Variants in GRID2 observed in about 807,000 individuals in gnomAD.
GRID2 encodes the protein glutamate ionotropic receptor delta type subunit 2, also known as glutamate receptor ionotropic, delta-2.
A neutral mutation model predicts 114.8 loss-of-function variants in GRID2; 33 were observed. That is an observed-to-expected ratio of 0.29 (90% CI 0.22 to 0.38). The LOEUF is 0.38. Among genes scored for constraint, GRID2 ranks in the 10% least tolerant of loss-of-function variants. The pLI is 1.00. For synonymous variants in GRID2, 505 were observed against 449.9 expected (o/e 1.12, Z -1.55); for missense variants, 1,184 against 1,257.7 (o/e 0.94, Z 0.89).
chr4:92,358,133 G>A (rs1312883025), intron 1 of GRID2, among the ~76,000 whole-genome samples: 1 of 151,640 alleles, frequency 6.6e-6, no homozygotes. Context: ...AAACAGAGAG[G>A]CATGATGGGT....
chr4:93,336,152 T>C (rs2149238676), intron 8 of GRID2, among the ~76,000 whole-genome samples: 1 of 152,298 alleles, frequency 6.6e-6, no homozygotes, highest in East Asian at 1.9e-4. Context: ...CATAAAAGCG[T>C]ATATCTGTCC....
intron 2 of GRID2, among the ~76,000 whole-genome samples, chr4:93,040,666 GA>G (rs1479104614): frequency 6.6e-6 from 1 of 152,090 alleles, no homozygotes; most frequent in Non-Finnish European, 1.5e-5. Flanking sequence ...TTTTAACAAT[GA>G]AAAATCGGTC....
chr4:93,406,032 T>C (rs1766377807), intron 9 of GRID2, among the ~76,000 whole-genome samples: 1 of 152,184 alleles, frequency 6.6e-6, no homozygotes, highest in Non-Finnish European at 1.5e-5. Flanking sequence ...TTAATTTTTT[T>C]CATATTTTAT....
chr4:93,694,788 TCACA>T (rs890721314), intron 14 of GRID2, among the ~76,000 whole-genome samples: 1 of 152,150 alleles, frequency 6.6e-6, no homozygotes, highest in Admixed American at 6.5e-5. Context: ...CCTCAGGCAC[TCACA>T]CACACATGAC....
At chr4:93,740,734 C>A (rs1731291440) in intron 14 of GRID2, among the ~76,000 whole-genome samples, 1 of 152,244 alleles carries the variant, frequency 6.6e-6, no homozygotes. Flanking sequence ...AACCACATTT[C>A]TCACATAGTC....
At chr4:92,865,137 C>T (rs1010251940) in intron 2 of GRID2, among the ~76,000 whole-genome samples, 1 of 152,108 alleles carries the variant, frequency 6.6e-6, no homozygotes, top group Admixed American at 6.5e-5. Context: ...AGATTGGTCC[C>T]CTTTGTATAT....
At chr4:92,631,679 T>C (rs778579596) in intron 2 of GRID2, among the ~76,000 whole-genome samples, 1 of 152,132 alleles carries the variant, frequency 6.6e-6, no homozygotes, top group African/African-American at 2.4e-5. Flanking sequence ...ACAAAACATG[T>C]TTTTAACATT....
At chr4:92,716,860 A>T (rs907961069) in intron 2 of GRID2, among the ~76,000 whole-genome samples, 3 of 152,190 alleles carry the variant, frequency 2.0e-5, no homozygotes, top group African/African-American at 7.2e-5. Flanking sequence ...ATAATTTTAC[A>T]TCTTGTGTTA....
At chr4:93,221,880 C>T (rs897315049) in intron 6 of GRID2, among the ~76,000 whole-genome samples, 7 of 152,178 alleles carry the variant, frequency 4.6e-5, no homozygotes, top group South Asian at 4.1e-4. Flanking sequence ...GTAACAGGTA[C>T]GAAGCACTCA....
At chr4:93,735,548 A>AT (rs1237521957) in intron 14 of GRID2, among the ~76,000 whole-genome samples, 3 of 152,094 alleles carry the variant, frequency 2.0e-5, no homozygotes, top group African/African-American at 7.2e-5. Flanking sequence ...AAGAAGTGTA[A>AT]TTTTACCTAC....
chr4:93,687,364 G>T (rs563328866), intron 14 of GRID2, among the ~76,000 whole-genome samples: 5 of 152,102 alleles, frequency 3.3e-5, no homozygotes, highest in Admixed American at 6.6e-5. Context: ...ATCTTAGCCA[G>T]TTTATTTTAT....
intron 7 of GRID2, among the ~76,000 whole-genome samples, chr4:93,229,429 C>T (rs1745863638): frequency 6.6e-6 from 1 of 152,070 alleles, no homozygotes. Context: ...GCTCAAGTTT[C>T]CTACAGGTGT....
At chr4:93,169,169 C>G (rs1377531278) in intron 4 of GRID2, among the ~76,000 whole-genome samples, 1 of 150,356 alleles carries the variant, frequency 6.7e-6, no homozygotes, top group Admixed American at 6.7e-5. Flanking sequence ...CACACACACA[C>G]ACACACACAC....
At chr4:92,415,043 G>C (rs563737383) in intron 1 of GRID2, among the ~76,000 whole-genome samples, 11 of 151,826 alleles carry the variant, frequency 7.2e-5, no homozygotes, top group African/African-American at 2.7e-4. Context: ...TTTTGAAAAA[G>C]AACAAGATAA....
intron 14 of GRID2, among the ~76,000 whole-genome samples, chr4:93,652,084 C>G (rs1722630103): frequency 6.6e-6 from 1 of 152,026 alleles, no homozygotes; most frequent in Non-Finnish European, 1.5e-5. Context: ...GTCCTAACCT[C>G]CAGTACCTCA....
At chr4:92,929,918 C>G (rs1442158674) in intron 2 of GRID2, among the ~76,000 whole-genome samples, 6 of 151,130 alleles carry the variant, frequency 4.0e-5, no homozygotes, top group Non-Finnish European at 8.9e-5. Context: ...TTCTTTTTTA[C>G]TTGGGTTGTA....
intron 2 of GRID2, among the ~76,000 whole-genome samples, chr4:92,609,820 A>T (rs1157584785): frequency 4.0e-5 from 6 of 151,550 alleles, no homozygotes; most frequent in African/African-American, 1.5e-4. Flanking sequence ...TCAAAATTAC[A>T]CATACTATAG....
In GRID2 at chr4:92,608,592, T is replaced by C. The variant is rs1729573072; in HGVS notation, c.244+18306T>C. ...AGGAGTTTTACTACACATTTGGCAT[T>C]GTGTGCTATAACTCAGAGTGTCATG... On this transcript the variant is annotated intron_variant, in intron 2 of 15. Transcript: ENST00000282020. Among the ~76,000 whole-genome samples, 4 of 151,882 alleles carry C rather than the reference T, an allele frequency of 2.6e-5. No homozygotes were observed. The Admixed American group carries it at 2.6e-4, about 10-fold the overall frequency.
chr4:93,576,134 GA>G (rs1272737998), intron 13 of GRID2, among the ~76,000 whole-genome samples: 2 of 152,106 alleles, frequency 1.3e-5, no homozygotes, highest in Non-Finnish European at 2.9e-5. Context: ...GCTTACATGT[GA>G]AAATGTTAAA....
Sources: allele counts gnomAD v4.1 joint callset (sites outside exome capture counted in the v4.1 genomes callset), GRCh38; gene constraint gnomAD v4.1.1; transcripts MANE v1.5; gene names NCBI Gene and HGNC (gene_info 2026-07-23, HGNC 2026-07-21).